The following UBR3 variants were observed in gnomAD, a reference collection of about 807,000 sequenced individuals.
UBR3 encodes ubiquitin protein ligase E3 component n-recognin 3, also known as E3 ubiquitin-protein ligase UBR3.
UBR3 carries 85 observed loss-of-function variants against 243.2 expected under a neutral mutation model. The observed-to-expected ratio is 0.35, with a 90% CI of 0.29 to 0.42. The LOEUF (loss-of-function observed/expected upper bound fraction) is 0.42. Among genes scored for constraint, UBR3 ranks in the 10% least tolerant of loss-of-function variants. The pLI, the probability that UBR3 is intolerant of heterozygous loss-of-function variation, is 1.00. For synonymous variants in UBR3, 748 were observed against 799.8 expected (o/e 0.94, Z 1.09); for missense variants, 1,686 against 2,300.8 (o/e 0.73, Z 5.47).
chr2:169,856,411 C>A (rs1230997569), intron 1 of UBR3, among the ~76,000 whole-genome samples: 4 of 152,226 alleles, frequency 2.6e-5, no homozygotes, highest in Non-Finnish European at 4.4e-5. Flanking sequence ...CAGAGACGCT[C>A]CTCACTTCTT....
intron 1 of UBR3, among the ~76,000 whole-genome samples, chr2:169,840,661 C>T (rs2082260540): frequency 6.6e-6 from 1 of 152,134 alleles, no homozygotes; most frequent in South Asian, 2.1e-4. Flanking sequence ...CTAGGCATTG[C>T]CTTCGTGTGG....
intron 19 of UBR3, 73 bp from the exon 20 acceptor site, chr2:169,942,420 C>T (rs1334699462): frequency 7.1e-7 from 1 of 1,413,414 alleles, no homozygotes; most frequent in African/African-American, 1.5e-5. Context: ...AAATTGGTGT[C>T]TATAAATTAC....
intron 5 of UBR3, among the ~76,000 whole-genome samples, chr2:169,889,442 C>G (rs61547367): frequency 0.057 from 8,694 of 152,198 alleles, 463 homozygotes; most frequent in African/African-American, 0.14. Flanking sequence ...TCTCTCAGGT[C>G]TTGGAGAACC....
intron 11 of UBR3, among the ~76,000 whole-genome samples, chr2:169,916,713 A>G (rs2085477737): frequency 6.6e-6 from 1 of 151,824 alleles, no homozygotes; most frequent in African/African-American, 2.4e-5. Context: ...TCCTTACCTC[A>G]GTCAGGCTTT....
At chr2:169,974,504 TTGTAA>T (rs1028944710) in intron 24 of UBR3, among the ~76,000 whole-genome samples, 1 of 152,184 alleles carries the variant, frequency 6.6e-6, no homozygotes, top group Non-Finnish European at 1.5e-5. Flanking sequence ...GTGGCATCGT[TTGTAA>T]TGTTTCTTAT....
rs114857553 is a variant in UBR3, at chr2:169,834,032, C to T, written c.545+5980C>T. 7.9e-3 allele frequency among the ~76,000 whole-genome samples: 1,207 copies of T among 152,298 alleles called. 18 individuals are homozygous for T. Among genetic ancestry groups the T allele is most frequent in the African/African-American group, 0.028 (1,146 of 41,548 alleles). ...TGAACTCCTGGCTTCAAGCAGTCTA[C>T]CTGCCTCAGCCTCCCAAAGAGCTGG... On this transcript the variant is annotated intron_variant, in intron 1 of 38. Transcript: ENST00000272793.
chr2:170,016,655 G>A (rs1000196949), intron 30 of UBR3, among the ~76,000 whole-genome samples: 6 of 151,880 alleles, frequency 4.0e-5, no homozygotes, highest in African/African-American at 7.2e-5. Flanking sequence ...CTTTAGCGAA[G>A]GGTTTTCTGT....
intron 1 of UBR3, among the ~76,000 whole-genome samples, chr2:169,866,650 A>G (rs1012686670): frequency 1.3e-5 from 2 of 152,068 alleles, no homozygotes; most frequent in Admixed American, 6.6e-5. Context: ...GGTGTGAGCA[A>G]CCGTGCCCGG....
intron 35 of UBR3, among the ~76,000 whole-genome samples, chr2:170,066,763 A>C (rs2091577406): frequency 6.6e-6 from 1 of 152,096 alleles, no homozygotes; most frequent in Non-Finnish European, 1.5e-5. Flanking sequence ...CAGGAGATCG[A>C]GACCATCCTG....
chr2:170,077,296 A>G lies in UBR3; in HGVS notation c.5200-2518A>G, dbSNP rs2091830001. 4.0e-6 allele frequency: 3 copies of G among 758,440 alleles called. No individual in the cohort carries two copies. The African/African-American group carries it at 5.1e-5, about 13-fold the overall frequency. The allele number at this position is 758,440 out of a possible 1,614,324, so 47.0% of individuals were successfully genotyped here. Reference sequence around the variant, plus strand: ...TGGTAACCACAGCCTATTTTCCCCAAATAACCTTGCCTCCTTGTGTCACAA... The same window carrying G: ...TGGTAACCACAGCCTATTTTCCCCAGATAACCTTGCCTCCTTGTGTCACAA... On this transcript the variant is annotated intron_variant, in intron 36 of 38. Coordinates refer to ENST00000272793, the MANE Select transcript of UBR3 (RefSeq NM_172070.4).
At chr2:169,841,862 C>T (rs981215471) in intron 1 of UBR3, among the ~76,000 whole-genome samples, 2 of 152,264 alleles carry the variant, frequency 1.3e-5, no homozygotes, top group African/African-American at 4.8e-5. Context: ...CGACGAGCAC[C>T]ACCCCCTACT....
chr2:170,073,509 G>A lies in UBR3; in HGVS notation c.5101G>A (p.Ala1701Thr), dbSNP rs192379292. 1 of 1,613,798 alleles carries A rather than the reference G, an allele frequency of 6.2e-7. No homozygotes were observed. The highest frequency in any genetic ancestry group is 1.3e-5 in the African/African-American group (1 of 75,014). ...FYQTEHPFIS[A>T]SCLDWPVPAF... ...CCAAACAGAACATCCATTCATCAGT[G>A]CCTCCTGTCTGGATTGGCCAGTTCC... The change falls in exon 36 of 39, where the codon GCC becomes ACC. Residue 1701 changes from alanine to threonine, a missense_variant. Coordinates refer to ENST00000272793, the MANE Select transcript of UBR3 (RefSeq NM_172070.4).
At chr2:170,061,757 C>T (rs766868058) in intron 35 of UBR3, among the ~76,000 whole-genome samples, 7 of 152,104 alleles carry the variant, frequency 4.6e-5, no homozygotes, top group African/African-American at 9.7e-5. Context: ...CATGAGCCAC[C>T]GCACTAGCCA....
chr2:169,933,150 AAAT>A, intron 19 of UBR3, 142 bp downstream of exon 19: 1 of 581,622 alleles, frequency 1.7e-6, no homozygotes, highest in Non-Finnish European at 2.8e-6. Flanking sequence ...AAGGTTTAAA[AAAT>A]AATCTGGTGG....
intron 30 of UBR3, among the ~76,000 whole-genome samples, chr2:170,026,701 A>T (rs2090539109): frequency 6.6e-6 from 1 of 152,142 alleles, no homozygotes; most frequent in Non-Finnish European, 1.5e-5. Context: ...GAATTTTAAA[A>T]TGTGTTATAC....
chr2:169,883,942 C>T (rs1287952754), intron 5 of UBR3, among the ~76,000 whole-genome samples: 1 of 151,354 alleles, frequency 6.6e-6, no homozygotes, highest in African/African-American at 2.4e-5. Flanking sequence ...AAGTGATTCT[C>T]CCGTCTCAGC....
intron 11 of UBR3, among the ~76,000 whole-genome samples, chr2:169,919,969 C>G (rs2085626422): frequency 6.6e-6 from 1 of 152,160 alleles, no homozygotes; most frequent in African/African-American, 2.4e-5. Context: ...GGTATATACC[C>G]AAAGGGTTAT....
chr2:169,852,356 C>G (rs2082685304), intron 1 of UBR3, among the ~76,000 whole-genome samples: 1 of 152,164 alleles, frequency 6.6e-6, no homozygotes, highest in Admixed American at 6.5e-5. Flanking sequence ...CTTTTGGATC[C>G]TTTTGGAACG....
At chr2:169,909,755 A>G (rs1004620331) in intron 10 of UBR3, among the ~76,000 whole-genome samples, 2 of 151,766 alleles carry the variant, frequency 1.3e-5, no homozygotes, top group African/African-American at 4.8e-5. Context: ...ATATATATAT[A>G]TATCTTGAAA....
Sources: gnomAD v4.1 joint callset for allele counts (sites outside exome capture counted in the v4.1 genomes callset) on GRCh38, gnomAD v4.1.1 for gene constraint, MANE v1.5 for transcripts, NCBI Gene and HGNC (gene_info 2026-07-23, HGNC 2026-07-21) for gene names.